The following DLG4 variants were observed in gnomAD, a reference collection of about 807,000 sequenced individuals.
DLG4 encodes the protein discs large MAGUK scaffold protein 4, also known as disks large homolog 4.
In DLG4, 7 loss-of-function variants were observed where a neutral mutation model predicts 93.8. The observed-to-expected ratio is 0.07, with a 90% confidence interval of 0.04 to 0.14. The LOEUF is 0.14. DLG4 is among the 10% of genes least tolerant of loss of function. The probability of loss-of-function intolerance (pLI) is 1.00; values close to 1 mark genes in which losing one functional copy is unlikely to be tolerated. For synonymous variants in DLG4, 341 were observed against 387.6 expected (o/e 0.88, Z 1.41); for missense variants, 545 against 992.9 (o/e 0.55, Z 6.06).
intron 1 of DLG4, among the ~76,000 whole-genome samples, chr17:7,210,378 C>T (rs956439601): frequency 2.0e-5 from 3 of 152,160 alleles, no homozygotes; most frequent in Non-Finnish European, 4.4e-5. Flanking sequence ...AGAAGGAAAA[C>T]GGGCTCAGCA....
chr17:7,200,498 G>A (rs143926560), intron 8 of DLG4, among the ~76,000 whole-genome samples: 3 of 151,182 alleles, frequency 2.0e-5, no homozygotes, highest in Non-Finnish European at 2.9e-5. Flanking sequence ...TTATTGCTGG[G>A]AAGTTACTAA....
chr17:7,200,010 A>G (rs2070036486), intron 8 of DLG4, among the ~76,000 whole-genome samples: 1 of 151,950 alleles, frequency 6.6e-6, no homozygotes, highest in African/African-American at 2.4e-5. Flanking sequence ...AGAAAAAAAA[A>G]GATTTTAAAT....
At position 7,204,802 on chromosome 17, in the gene DLG4, C is replaced by T. The variant is rs573106171; in HGVS notation, c.97-550G>A. 1.9e-3 allele frequency: 586 copies of T among 304,744 alleles called. 3 individuals carry two copies. Among genetic ancestry groups the T allele is most frequent in the African/African-American group, 0.013 (558 of 43,424 alleles). 18.9% of individuals were successfully genotyped at this position (304,744 alleles called of 1,614,324 possible). ...CACTTTCACAGACATTTGCCCTAAA[C>T]CCTGCACCCCGGGAATCCGGGGTTC... On this transcript the variant is annotated intron_variant, in intron 2 of 19. Coordinates refer to ENST00000399506, the MANE Select transcript of DLG4 (RefSeq NM_001321075.3).
intron 8 of DLG4, among the ~76,000 whole-genome samples, chr17:7,202,091 A>T (rs115438994): frequency 0.012 from 1,858 of 152,258 alleles, 35 homozygotes; most frequent in African/African-American, 0.042. Context: ...AGATAATCAC[A>T]TCGTTTTCTC....
In DLG4 at chr17:7,190,655, C is replaced by G; in HGVS notation, c.*53G>C. On this transcript the variant is annotated 3_prime_UTR_variant, in exon 20 of 20. Coordinates refer to ENST00000399506, the MANE Select transcript of DLG4 (RefSeq NM_001321075.3). ...AGGGCTTGGGCAATTCAGTCCAGAC[C>G]AAGGGCCCAGGTGATGGAGGCAGGG... The G allele has an allele frequency of 6.8e-7, 1 of 1,461,596 alleles. No homozygotes were observed. Among genetic ancestry groups the G allele is most frequent in the Non-Finnish European group, 9.6e-7 (1 of 1,041,458 alleles). The allele number at this position is 1,461,596 out of a possible 1,614,324, so 90.5% of individuals were successfully genotyped here. A position where few individuals can be genotyped will look rare whatever the true frequency, so the allele number is the denominator to read the frequency against.
intron 8 of DLG4, among the ~76,000 whole-genome samples, chr17:7,197,947 T>C (rs371654491): frequency 6.6e-6 from 1 of 152,204 alleles, no homozygotes; most frequent in South Asian, 2.1e-4. Flanking sequence ...GTATACTTCA[T>C]AGGTAGCGCT....
intron 1 of DLG4, among the ~76,000 whole-genome samples, chr17:7,209,141 T>G (rs2070611716): frequency 6.6e-6 from 1 of 152,112 alleles, no homozygotes; most frequent in South Asian, 2.1e-4. Flanking sequence ...ATTTCTGGTC[T>G]CCCTCTGCTC....
upstream of DLG4, chr17:7,218,635 G>T (rs770636174): frequency 2.6e-6 from 4 of 1,560,570 alleles, no homozygotes; most frequent in Non-Finnish European, 3.5e-6. Context: ...GGGCTGACCT[G>T]GGAGCTAGTG....
At position 7,188,767 on chromosome 17, in the gene DLG4, ATTT is replaced by A. The variant is rs2069361478; in HGVS notation, c.*1938_*1940del. 6.6e-6 allele frequency among the ~76,000 whole-genome samples: 1 copy of A among 152,026 alleles called. No homozygotes were observed. On this transcript the variant is annotated 3_prime_UTR_variant, in exon 20 of 20. Transcript: ENST00000399506. ...TTTCATCTTTGGCATTTAGATTCTT[ATTT>A]TCCTACCCTCATTATTTACAAAGCT...
Position 7,196,254 on chromosome 17 carries a change from G to A in DLG4, c.1267C>T (p.Leu423=), listed in dbSNP as rs2586533. The change falls in exon 11 of 20, where the codon CTG becomes TTG. Residue 423 remains leucine, a synonymous_variant. Coordinates refer to ENST00000399506, the MANE Select transcript of DLG4 (RefSeq NM_001321075.3). This position sits in a 1 kb window ranked among gnomAD's most constrained non-coding sequence, Gnocchi z 8.3. Reference sequence around the variant, plus strand: ...AAACCCCTTTTGGGGTTGCTCCGCAGGGACGCAGTCCCTGAGCCCAGGCTG... The same window carrying A: ...AAACCCCTTTTGGGGTTGCTCCGCAAGGACGCAGTCCCTGAGCCCAGGCTG... ...NSSLGSGTAS[L]RSNPKRGFYI... 1 of 1,614,020 alleles carries A rather than the reference G, an allele frequency of 6.2e-7. No individual in the cohort carries two copies.
In DLG4 at chr17:7,217,591, G is replaced by GA. The variant is rs1252654409; in HGVS notation, c.-445dup. 1.4e-6 allele frequency: 2 copies of GA among 1,386,730 alleles called. No homozygotes were observed. Among genetic ancestry groups the GA allele is most frequent in the African/African-American group, 3.1e-5 (2 of 64,172 alleles). The allele number at this position is 1,386,730 out of a possible 1,614,324, so 85.9% of individuals were successfully genotyped here. Reference sequence around the variant, plus strand: ...GGGTTGGAAACGGCAGCGGCCGAGGGAGCCGTGGAGCCGAAGAGGGAAGGG... The same window carrying GA: ...GGGTTGGAAACGGCAGCGGCCGAGGGAAGCCGTGGAGCCGAAGAGGGAAGGG... On this transcript the variant is annotated 5_prime_UTR_variant, in exon 1 of 20. Coordinates refer to ENST00000399506, the MANE Select transcript of DLG4 (RefSeq NM_001321075.3).
chr17:7,205,441 C>T (rs1344710524), intron 2 of DLG4, among the ~76,000 whole-genome samples: 7 of 152,126 alleles, frequency 4.6e-5, no homozygotes, highest in Admixed American at 1.3e-4. Context: ...CTACTTCCTC[C>T]TTAAAGAAAC....
upstream of DLG4, chr17:7,217,768 G>A (rs1211703222): frequency 6.5e-7 from 1 of 1,535,370 alleles, no homozygotes; most frequent in African/African-American, 1.4e-5. Context: ...GGCCCCTGAG[G>A]CAAACATGGA....
At position 7,217,104 on chromosome 17, in the gene DLG4, C is replaced by G; in HGVS notation, c.30+14G>C. 7.8e-7 allele frequency: 1 copy of G among 1,287,718 alleles called. No homozygotes were observed. The highest frequency in any genetic ancestry group is 1.5e-5 in the African/African-American group (1 of 65,058). The allele number at this position is 1,287,718 out of a possible 1,614,324, so 79.8% of individuals were successfully genotyped here. A position where few individuals can be genotyped will look rare whatever the true frequency, so the allele number is the denominator to read the frequency against. On this transcript the variant is annotated intron_variant, in intron 1 of 19. Coordinates refer to ENST00000399506, the MANE Select transcript of DLG4 (RefSeq NM_001321075.3). The stretch of plus-strand genomic sequence containing the variant: ...TACCCTCCCCCCAGTTTATAGCCCC[C>G]CCATCATGCTTACCTTGGTTGTCAC...
chr17:7,187,305 C>CGGGGGGGGG lies in DLG4; in HGVS notation c.*3402_*3403insCCCCCCCCC, dbSNP rs1394460871. Among the ~76,000 whole-genome samples the CGGGGGGGGG allele has an allele frequency of 3.5e-5, 1 of 28,800 alleles. No individual in the cohort carries two copies. Among genetic ancestry groups the CGGGGGGGGG allele is most frequent in the Non-Finnish European group, 1.3e-4 (1 of 7,752 alleles). The allele number at this position is 28,800 out of a possible 152,430, so 18.9% of individuals were successfully genotyped here. On this transcript the variant is annotated 3_prime_UTR_variant, in exon 20 of 20. Coordinates refer to ENST00000399506, the MANE Select transcript of DLG4 (RefSeq NM_001321075.3). The stretch of plus-strand genomic sequence containing the variant: ...CTGTAATCCTAGCACTTTGGGAGGC[C>CGGGGGGGGG]GAGGGGGGGGGGGGTGGATCACCCG...
rs1221096113 is a variant in DLG4 at position 7,191,210 on chromosome 17, T to C, written c.2068+57A>G. Reference sequence around the variant, plus strand: ...TCCACTGGGGGTGGCGGGGGAGCTCTTTCTAATCCGAGCAAGGGCACCCTA... The same window carrying C: ...TCCACTGGGGGTGGCGGGGGAGCTCCTTCTAATCCGAGCAAGGGCACCCTA... On this transcript the variant is annotated intron_variant, in intron 19 of 19. Transcript: ENST00000399506. This position sits in a 1 kb window ranked among gnomAD's most constrained non-coding sequence, Gnocchi z 6.6. The C allele has an allele frequency of 2.6e-6, 4 of 1,566,620 alleles. No individual in the cohort carries two copies. The highest frequency in any genetic ancestry group is 1.7e-5 in the Admixed American group (1 of 59,510).
intron 17 of DLG4, chr17:7,192,322 G>A: frequency 2.8e-6 from 1 of 351,138 alleles, no homozygotes; most frequent in South Asian, 8.4e-5. Context: ...AGTGGGGCGG[G>A]GTGTGCAAGG....
upstream of DLG4, chr17:7,219,798 T>C (rs2071092120): frequency 1.3e-6 from 2 of 1,523,180 alleles, no homozygotes; most frequent in African/African-American, 1.4e-5. Flanking sequence ...GAGATCCCTC[T>C]AAGTCAGCGG....
At chr17:7,198,847 CA>C (rs34843480) in intron 8 of DLG4, among the ~76,000 whole-genome samples, 20,606 of 90,296 alleles carry the variant, frequency 0.23, 1,799 homozygotes, top group African/African-American at 0.32. Flanking sequence ...GACTCCATCT[CA>C]AAAAAAAAAA....
Sources: allele counts gnomAD v4.1 joint callset (sites outside exome capture counted in the v4.1 genomes callset), GRCh38; gene constraint gnomAD v4.1.1; non-coding constraint Gnocchi (gnomAD v3.1); transcripts MANE v1.5; gene names NCBI Gene and HGNC (gene_info 2026-07-23, HGNC 2026-07-21).